Variants in PEPD observed in about 807,000 individuals in gnomAD.
The protein encoded by PEPD is peptidase D, also known as xaa-Pro dipeptidase.
In PEPD, 53 loss-of-function variants were observed where a neutral mutation model predicts 60.7. That is an observed-to-expected ratio of 0.87 (90% CI 0.70 to 1.10). The LOEUF (loss-of-function observed/expected upper bound fraction) is 1.10, where lower values mean the gene tolerates loss of function less well. PEPD is among the 50% of genes least tolerant of loss of function. PEPD has a pLI of 0.00. For synonymous variants in PEPD, 267 were observed against 284.1 expected (o/e 0.94, Z 0.60); for missense variants, 711 against 711.9 (o/e 1.00, Z 0.01).
intron 5 of PEPD, among the ~76,000 whole-genome samples, chr19:33,492,072 G>T (rs1970511662): frequency 6.6e-6 from 1 of 151,158 alleles, no homozygotes; most frequent in African/African-American, 2.4e-5. Flanking sequence ...AGACAAGAGG[G>T]AAGGGTCACT....
intron 14 of PEPD, 86 bp downstream of exon 14, chr19:33,387,804 G>T: frequency 1.8e-6 from 2 of 1,137,816 alleles, no homozygotes; most frequent in Non-Finnish European, 2.6e-6. Flanking sequence ...TGTCACTAGG[G>T]CCCCTGTCTT....
At chr19:33,479,561 TTCC>T (rs1970278500) in intron 6 of PEPD, among the ~76,000 whole-genome samples, 1 of 152,186 alleles carries the variant, frequency 6.6e-6, no homozygotes, top group African/African-American at 2.4e-5. Flanking sequence ...CCTGATCCTC[TTCC>T]TCCTCCCACC....
In PEPD at chr19:33,513,805, T is replaced by C. The variant is rs528961872; in HGVS notation, c.18-1029A>G. Among the ~76,000 whole-genome samples, 15 of 146,462 alleles carry C rather than the reference T, an allele frequency of 1.0e-4. No individual in the cohort carries two copies. In the East Asian group the frequency reaches 2.8e-3, roughly 28 times the overall value. ...GCTCTTCCCTAAACCCCCAGAACAC[T>C]CCAGCCTTTGCCGCTGCGGCGCCCT... On this transcript the variant is annotated intron_variant, in intron 1 of 14. Coordinates refer to ENST00000244137, the MANE Select transcript of PEPD (RefSeq NM_000285.4).
In PEPD at chr19:33,446,705, G is replaced by A. The variant is rs1358719835; in HGVS notation, c.671+16290C>T. Among the ~76,000 whole-genome samples the A allele has an allele frequency of 5.3e-5, 8 of 152,322 alleles. No homozygotes were observed. The East Asian group carries it at 1.5e-3, about 29-fold the overall frequency. On this transcript the variant is annotated intron_variant, in intron 9 of 14. Transcript: ENST00000244137. The stretch of plus-strand genomic sequence containing the variant: ...GCAAAAGCAGCATGCTCTCAGCCAC[G>A]GCTGCTCACCACCCAGAGGGGAGGG...
chr19:33,407,738 G>A (rs1236586408), intron 11 of PEPD, among the ~76,000 whole-genome samples: 1 of 152,218 alleles, frequency 6.6e-6, no homozygotes, highest in Non-Finnish European at 1.5e-5. Context: ...GCGAACCCCA[G>A]GATCACAGCG....
At chr19:33,498,797 C>T (rs1022603550) in intron 4 of PEPD, among the ~76,000 whole-genome samples, 8 of 151,600 alleles carry the variant, frequency 5.3e-5, no homozygotes, top group Non-Finnish European at 1.0e-4. Flanking sequence ...GAGGCAGGTG[C>T]CCATGCCGCC....
At chr19:33,424,707 C>T (rs1230501930) in intron 9 of PEPD, among the ~76,000 whole-genome samples, 5 of 152,118 alleles carry the variant, frequency 3.3e-5, no homozygotes, top group Admixed American at 6.5e-5. Flanking sequence ...AAGACATACC[C>T]GAGACTGAGT....
intron 7 of PEPD, among the ~76,000 whole-genome samples, chr19:33,473,989 A>C (rs1177582484): frequency 6.6e-6 from 1 of 152,228 alleles, no homozygotes; most frequent in East Asian, 1.9e-4. Context: ...GTGCTAGGAG[A>C]GGCTGCTTGC....
chr19:33,408,732 G>A (rs1167961250), intron 11 of PEPD, among the ~76,000 whole-genome samples: 1 of 152,304 alleles, frequency 6.6e-6, no homozygotes, highest in South Asian at 2.1e-4. Flanking sequence ...TCGGCTTCGG[G>A]GGAATTCTAC....
intron 9 of PEPD, among the ~76,000 whole-genome samples, chr19:33,459,836 C>T (rs1264990252): frequency 6.6e-6 from 1 of 152,174 alleles, no homozygotes; most frequent in African/African-American, 2.4e-5. Flanking sequence ...TGCCCCGAGT[C>T]CTGAACTGCA....
intron 12 of PEPD, among the ~76,000 whole-genome samples, chr19:33,394,863 C>T (rs1289212150): frequency 6.6e-6 from 1 of 152,232 alleles, no homozygotes; most frequent in East Asian, 1.9e-4. Flanking sequence ...AAACCTCATT[C>T]TGGCTTTCCC....
chr19:33,395,264 C>G (rs1968334067), intron 12 of PEPD: 1 of 152,390 alleles, frequency 6.6e-6, no homozygotes, highest in Admixed American at 6.5e-5. Flanking sequence ...ACACACAGCA[C>G]AGCTGGGCCT....
chr19:33,517,211 T>C (rs1255232141), intron 1 of PEPD, among the ~76,000 whole-genome samples: 1 of 151,590 alleles, frequency 6.6e-6, no homozygotes, highest in Non-Finnish European at 1.5e-5. Context: ...TACCTGTATT[T>C]CCATATAATT....
chr19:33,518,151 G>A (rs958519585), intron 1 of PEPD, among the ~76,000 whole-genome samples: 3 of 152,254 alleles, frequency 2.0e-5, no homozygotes, highest in East Asian at 1.9e-4. Context: ...TTGCCACGGC[G>A]GAACAGGACC....
At chr19:33,512,514 A>G (rs929186656) in intron 2 of PEPD, 79 bp downstream of exon 2, 2 of 1,433,968 alleles carry the variant, frequency 1.4e-6, no homozygotes, top group African/African-American at 2.8e-5. Flanking sequence ...GCACTGGCCA[A>G]GCTGGGGCCT....
chr19:33,512,696 C>T lies in PEPD; in HGVS notation c.98G>A (p.Arg33Gln), dbSNP rs187269138. Residue 33 changes from arginine (R) to glutamine (Q), a missense_variant, in exon 2 of 15, where the codon CGG (arginine) becomes CAG (glutamine). Physicochemically the swap from Arg to Gln is conservative, Grantham distance 43 (BLOSUM62 1). Coordinates refer to ENST00000244137, the MANE Select transcript of PEPD (RefSeq NM_000285.4). ...FALNRQRLCE[R>Q]LRKNPAVQAG... Reference sequence around the variant, plus strand: ...CTGCACAGCAGGGTTCTTCCGCAGCCGCTCACACAGGCGCTGCCGGTTCAA... The same window carrying T: ...CTGCACAGCAGGGTTCTTCCGCAGCTGCTCACACAGGCGCTGCCGGTTCAA... The T allele has an allele frequency of 3.7e-5, 60 of 1,614,064 alleles. No homozygotes were observed. Among genetic ancestry groups the T allele is most frequent in the Non-Finnish European group, 4.1e-5 (48 of 1,179,980 alleles).
intron 6 of PEPD, among the ~76,000 whole-genome samples, chr19:33,478,601 C>A (rs2145298659): frequency 1.3e-5 from 2 of 152,156 alleles, no homozygotes; most frequent in East Asian, 1.9e-4. Context: ...TACAAGGGAT[C>A]CTCAATTAGA....
intron 12 of PEPD, among the ~76,000 whole-genome samples, chr19:33,393,521 G>C (rs1968285168): frequency 6.9e-6 from 1 of 145,786 alleles, no homozygotes; most frequent in Admixed American, 6.7e-5. Context: ...TGGTCAAACA[G>C]CCCCACCTCC....
intron 14 of PEPD, 48 bp downstream of exon 14, chr19:33,387,842 G>C (rs1434934247): frequency 1.4e-5 from 20 of 1,425,640 alleles, no homozygotes; most frequent in Admixed American, 2.0e-5. Flanking sequence ...AGCTGCAGTG[G>C]AGGTGGCAGA....
Sources: allele counts gnomAD v4.1 joint callset (sites outside exome capture counted in the v4.1 genomes callset), GRCh38; gene constraint gnomAD v4.1.1; transcripts MANE v1.5; gene names NCBI Gene and HGNC (gene_info 2026-07-23, HGNC 2026-07-21).